ORC5: variants seen among roughly 807,000 people sequenced by gnomAD.
ORC5 encodes the protein protein phosphatase 1, regulatory subunit 117.
A neutral mutation model predicts 58.8 loss-of-function variants in ORC5; 39 were observed. That is an observed-to-expected ratio of 0.66 (90% CI 0.51 to 0.87). The LOEUF (loss-of-function observed/expected upper bound fraction) is 0.87, where lower values mean the gene tolerates loss of function less well. ORC5 is among the 40% of genes least tolerant of loss of function. ORC5 has a pLI of 0.00. For synonymous variants in ORC5, 218 were observed against 177.6 expected (o/e 1.23, Z -1.81); for missense variants, 493 against 506.3 (o/e 0.97, Z 0.25).
intron 5 of ORC5, among the ~76,000 whole-genome samples, chr7:104,190,875 G>A (rs1338532480): frequency 6.6e-6 from 1 of 151,412 alleles, no homozygotes; most frequent in Non-Finnish European, 1.5e-5. Flanking sequence ...TTTACCATTG[G>A]CCCTTGATTT....
intron 8 of ORC5, among the ~76,000 whole-genome samples, chr7:104,172,036 T>C (rs187922145): frequency 6.6e-6 from 1 of 152,332 alleles, no homozygotes; most frequent in East Asian, 1.9e-4. Context: ...AACAATCTTC[T>C]CTTTTCCTTT....
chr7:104,164,425 C>T (rs115259052), intron 11 of ORC5, among the ~76,000 whole-genome samples: 6,763 of 152,108 alleles, frequency 0.044, 496 homozygotes, highest in African/African-American at 0.15. Flanking sequence ...ACCTCAAAAA[C>T]AGATAAATAA....
rs1799498006 is a variant in ORC5, at chr7:104,184,352, G to A, written c.685-181C>T. On this transcript the variant is annotated intron_variant, in intron 6 of 13. Transcript: ENST00000297431. ...AATCCCAGCTACTCAGGAGGCTGAGGCAGGGGGATTGCTTGAGCCCAGGAG... is the reference window on the plus strand; with the variant it reads ...AATCCCAGCTACTCAGGAGGCTGAGACAGGGGGATTGCTTGAGCCCAGGAG... The A allele has an allele frequency of 5.2e-6, 3 of 574,582 alleles. No homozygotes were observed. In the South Asian group the frequency reaches 6.5e-5, roughly 12 times the overall value. The allele number at this position is 574,582 out of a possible 1,614,324, so 35.6% of individuals were successfully genotyped here.
intron 12 of ORC5, among the ~76,000 whole-genome samples, chr7:104,154,074 A>C (rs1274232100): frequency 6.6e-6 from 1 of 152,118 alleles, no homozygotes; most frequent in African/African-American, 2.4e-5. Flanking sequence ...GGACATGAGT[A>C]TAATTTTCCA....
intron 5 of ORC5, among the ~76,000 whole-genome samples, chr7:104,188,734 T>TC (rs1380480720): frequency 2.0e-5 from 3 of 152,116 alleles, no homozygotes; most frequent in African/African-American, 7.2e-5. Flanking sequence ...TGGCTCTGTG[T>TC]CCCCACCCAT....
intron 13 of ORC5, among the ~76,000 whole-genome samples, chr7:104,130,754 A>T (rs194844): frequency 6.6e-6 from 1 of 151,992 alleles, no homozygotes; most frequent in Non-Finnish European, 1.5e-5. Flanking sequence ...TCCCCAATTT[A>T]TCCCTTTTTT....
At chr7:104,168,664 A>ATTTTTTTTTTTTTTTTTTT in intron 8 of ORC5, 139 bp from the exon 9 acceptor site, 2 of 488,738 alleles carry the variant, frequency 4.1e-6, no homozygotes, top group Non-Finnish European at 7.2e-6. Context: ...TGCAATAAAC[A>ATTTTTTTTTTTTTTTTTTT]TGTTTGTACC....
At chr7:104,182,391 A>G (rs1799453123) in intron 8 of ORC5, among the ~76,000 whole-genome samples, 1 of 152,202 alleles carries the variant, frequency 6.6e-6, no homozygotes, top group Non-Finnish European at 1.5e-5. Context: ...ACTTGATAGG[A>G]TAATGGTATA....
At chr7:104,141,924 C>T (rs1798679971) in intron 12 of ORC5, among the ~76,000 whole-genome samples, 2 of 152,130 alleles carry the variant, frequency 1.3e-5, no homozygotes, top group South Asian at 4.1e-4. Flanking sequence ...TCAATGCAAT[C>T]CCCATCAAAA....
intron 12 of ORC5, among the ~76,000 whole-genome samples, chr7:104,151,872 T>G (rs775336397): frequency 5.3e-5 from 8 of 152,228 alleles, no homozygotes; most frequent in Non-Finnish European, 1.2e-4. Context: ...CTTTTGATTC[T>G]AAGAATTCAA....
intron 12 of ORC5, among the ~76,000 whole-genome samples, chr7:104,158,043 T>C (rs1429339919): frequency 2.6e-5 from 4 of 152,164 alleles, no homozygotes; most frequent in Admixed American, 2.6e-4. Context: ...TATACATTTC[T>C]GTATAATAAA....
intron 11 of ORC5, among the ~76,000 whole-genome samples, chr7:104,161,840 A>G (rs1799030267): frequency 6.6e-6 from 1 of 152,194 alleles, no homozygotes. Flanking sequence ...TGCCAAATCC[A>G]AGATAATAAC....
At chr7:104,176,529 CGA>C (rs1799324293) in intron 8 of ORC5, among the ~76,000 whole-genome samples, 1 of 150,622 alleles carries the variant, frequency 6.6e-6, no homozygotes, top group Admixed American at 6.6e-5. Context: ...GTCAGTCTTA[CGA>C]TCTCTCTGCT....
At chr7:104,185,810 A>T (rs1032036061) in intron 6 of ORC5, among the ~76,000 whole-genome samples, 3 of 151,958 alleles carry the variant, frequency 2.0e-5, no homozygotes, top group African/African-American at 7.2e-5. Flanking sequence ...ATATATATAT[A>T]TTAGTTTGTT....
intron 12 of ORC5, among the ~76,000 whole-genome samples, chr7:104,137,170 A>C (rs892448963): frequency 4.7e-5 from 7 of 147,630 alleles, no homozygotes; most frequent in Admixed American, 4.1e-4. Context: ...TGGCTTGATC[A>C]CAGTTCACTG....
intron 3 of ORC5, among the ~76,000 whole-genome samples, chr7:104,199,580 A>T (rs1799887236): frequency 6.6e-6 from 1 of 152,252 alleles, no homozygotes; most frequent in Non-Finnish European, 1.5e-5. Flanking sequence ...AATTTCTCCC[A>T]TTTGAAAAGG....
chr7:104,157,184 CTT>C (rs1562810595), intron 12 of ORC5, among the ~76,000 whole-genome samples: 1 of 151,800 alleles, frequency 6.6e-6, no homozygotes, highest in African/African-American at 2.4e-5. Flanking sequence ...GAGAAATACT[CTT>C]TGGATGAGAT....
In ORC5 at chr7:104,129,974, T is replaced by C. The variant is rs1313342478; in HGVS notation, c.1263-3081A>G. On this transcript the variant is annotated intron_variant, in intron 13 of 13. Coordinates refer to ENST00000297431, the MANE Select transcript of ORC5 (RefSeq NM_002553.4). This position sits in a 1 kb window ranked among gnomAD's most constrained non-coding sequence, Gnocchi z 4.9. ...GCCTTTATCCTTTTATTTCATTTTG[T>C]TGATTCATTAAAATACTTTTTCTTT... Among the ~76,000 whole-genome samples the C allele has an allele frequency of 6.6e-6, 1 of 152,230 alleles. No individual in the cohort carries two copies. The highest frequency in any genetic ancestry group is 1.5e-5 in the Non-Finnish European group (1 of 68,030).
chr7:104,149,619 T>C (rs1380682518), intron 12 of ORC5, among the ~76,000 whole-genome samples: 1 of 152,200 alleles, frequency 6.6e-6, no homozygotes, highest in African/African-American at 2.4e-5. Context: ...CCACTGATGT[T>C]TTTCCTCAAA....
Sources: allele counts gnomAD v4.1 joint callset (sites outside exome capture counted in the v4.1 genomes callset), GRCh38; gene constraint gnomAD v4.1.1; non-coding constraint Gnocchi (gnomAD v3.1); transcripts MANE v1.5; gene names NCBI Gene and HGNC (gene_info 2026-07-23, HGNC 2026-07-21).